KIAA0232: variants seen among roughly 807,000 people sequenced by gnomAD.
KIAA0232 encodes the protein uncharacterized protein KIAA0232.
Under a neutral mutation model 122.0 loss-of-function variants are expected in KIAA0232, and 27 were observed. The ratio of observed to expected loss-of-function variants is 0.22; its 90% CI spans 0.16 to 0.31. The LOEUF is 0.31. KIAA0232 is among the 10% of genes least tolerant of loss of function. The pLI is 1.00. For missense variants in KIAA0232, 1,551 were observed against 1,634.2 expected, an observed-to-expected ratio of 0.95 and a Z score of 0.88; for synonymous variants, 613 against 587.6, an observed-to-expected ratio of 1.04 and a Z score of -0.63.
At chr4:6,793,937 TA>T (rs2108887045) in intron 1 of KIAA0232, among the ~76,000 whole-genome samples, 1 of 152,316 alleles carries the variant, frequency 6.6e-6, no homozygotes, top group East Asian at 1.9e-4. Flanking sequence ...CCTTCCAACT[TA>T]AAAGTTCATG....
At position 6,874,670 on chromosome 4, in the gene KIAA0232, TC is replaced by T. The variant is rs750309380; in HGVS notation, c.3911-1989del. Among the ~76,000 whole-genome samples, 72 of 152,288 alleles carry T rather than the reference TC, an allele frequency of 4.7e-4. 1 individual carries two copies. Among genetic ancestry groups the T allele is most frequent in the Admixed American group, 1.2e-3 (19 of 15,300 alleles). ...GAGAACTGTATTGGAATCCAGAGCT[TC>T]TTTCCCCAGCTATTAGGCTTTGGGT... On this transcript the variant is annotated intron_variant, in intron 8 of 9. Coordinates refer to ENST00000307659, the MANE Select transcript of KIAA0232 (RefSeq NM_014743.3).
chr4:6,848,817 T>C (rs1388716647), intron 4 of KIAA0232, among the ~76,000 whole-genome samples: 1 of 152,212 alleles, frequency 6.6e-6, no homozygotes, highest in African/African-American at 2.4e-5. Flanking sequence ...CAGGAAGTGA[T>C]GCTGTGCTCT....
In KIAA0232 at chr4:6,783,929, G is replaced by A. The variant is rs933540803; in HGVS notation, c.-354+1088G>A. 6.6e-5 allele frequency among the ~76,000 whole-genome samples: 10 copies of A among 152,328 alleles called. No homozygotes were observed. The East Asian group carries it at 1.9e-3, about 29-fold the overall frequency. ...CGCTGGAGAAACCAGTGTGTGTCGTGTTGGAATGCTTCGTCTTGCCCTAGA... is the reference window on the plus strand; with the variant it reads ...CGCTGGAGAAACCAGTGTGTGTCGTATTGGAATGCTTCGTCTTGCCCTAGA... On this transcript the variant is annotated intron_variant, in intron 1 of 9. Transcript: ENST00000307659.
At chr4:6,838,389 A>T (rs553195924) in intron 3 of KIAA0232, among the ~76,000 whole-genome samples, 1 of 152,114 alleles carries the variant, frequency 6.6e-6, no homozygotes, top group East Asian at 1.9e-4. Context: ...GAGTTTCACA[A>T]TGTTGGCCAG....
At chr4:6,794,590 G>A (rs1286183405) in intron 1 of KIAA0232, among the ~76,000 whole-genome samples, 1 of 152,210 alleles carries the variant, frequency 6.6e-6, no homozygotes, top group African/African-American at 2.4e-5. Context: ...GGTGGACAGG[G>A]AAAGCCTCTG....
intron 3 of KIAA0232, among the ~76,000 whole-genome samples, chr4:6,837,436 G>C (rs529052002): frequency 6.6e-6 from 1 of 151,390 alleles, no homozygotes; most frequent in Non-Finnish European, 1.5e-5. Flanking sequence ...CAGGCTGGGC[G>C]GCCGGGCAGA....
intron 3 of KIAA0232, among the ~76,000 whole-genome samples, chr4:6,836,882 C>T (rs1719316621): frequency 6.6e-6 from 1 of 152,220 alleles, no homozygotes; most frequent in African/African-American, 2.4e-5. Context: ...TATAGATTAA[C>T]AGCATCCCAA....
rs1244693283 is a variant in KIAA0232 at position 6,864,087 on chromosome 4, A to G, written c.3705A>G (p.Gln1235=). The change falls in exon 7 of 10, where the codon CAA becomes CAG. Residue 1235 remains glutamine, a synonymous_variant. Transcript: ENST00000307659. Reference sequence around the variant, plus strand: ...AAGCAAATTGTAAAATAATGGCACAATGCGAGGAAGAAATTAATAATTTTT... The same window carrying G: ...AAGCAAATTGTAAAATAATGGCACAGTGCGAGGAAGAAATTAATAATTTTT... ...SSEANCKIMA[Q]CEEEINNFCG... The G allele has an allele frequency of 4.3e-6, 7 of 1,614,202 alleles. No individual in the cohort carries two copies. The highest frequency in any genetic ancestry group is 3.3e-5 in the Admixed American group (2 of 60,034).
chr4:6,825,436 C>A (rs556247654), intron 3 of KIAA0232, among the ~76,000 whole-genome samples: 10 of 152,006 alleles, frequency 6.6e-5, no homozygotes, highest in Non-Finnish European at 1.3e-4. Flanking sequence ...TGTAGTCAGT[C>A]CGTAGCTACT....
intron 1 of KIAA0232, among the ~76,000 whole-genome samples, chr4:6,797,121 C>T (rs1717165588): frequency 6.6e-6 from 1 of 152,136 alleles, no homozygotes; most frequent in South Asian, 2.1e-4. Flanking sequence ...TTTCATTTCC[C>T]AAAAAACACA....
At position 6,855,516 on chromosome 4, in the gene KIAA0232, CAA is replaced by C. The variant is rs1298639729; in HGVS notation, c.370-1641_370-1640del. Reference sequence around the variant, plus strand: ...TTATTTTGCTGTTTAAACATGAGAGCAAAAAAAATATATGTTTATATATGACA... The same window carrying C: ...TTATTTTGCTGTTTAAACATGAGAGCAAAAAATATATGTTTATATATGACA... On this transcript the variant is annotated intron_variant, in intron 4 of 9. Coordinates refer to ENST00000307659, the MANE Select transcript of KIAA0232 (RefSeq NM_014743.3). This position sits in a 1 kb window ranked among gnomAD's most constrained non-coding sequence, Gnocchi z 4.3. Among the ~76,000 whole-genome samples, 1 of 150,096 alleles carries C rather than the reference CAA, an allele frequency of 6.7e-6. No individual in the cohort carries two copies. The highest frequency in any genetic ancestry group is 1.5e-5 in the Non-Finnish European group (1 of 67,556).
chr4:6,786,116 T>C (rs1357359367), intron 1 of KIAA0232, among the ~76,000 whole-genome samples: 2 of 152,230 alleles, frequency 1.3e-5, no homozygotes, highest in African/African-American at 2.4e-5. Flanking sequence ...CTGGCTGTGG[T>C]GTCTATCCTA....
At chr4:6,845,905 C>T (rs181713715) in intron 4 of KIAA0232, among the ~76,000 whole-genome samples, 53 of 152,144 alleles carry the variant, frequency 3.5e-4, no homozygotes, top group African/African-American at 9.6e-4. Flanking sequence ...CCGAGTATGT[C>T]GTGTGATGTG....
intron 2 of KIAA0232, among the ~76,000 whole-genome samples, chr4:6,816,784 T>C (rs917958998): frequency 6.6e-6 from 1 of 152,222 alleles, no homozygotes; most frequent in Admixed American, 6.5e-5. Flanking sequence ...TTTATAGATA[T>C]AGGACTGTTC....
intron 1 of KIAA0232, among the ~76,000 whole-genome samples, chr4:6,787,110 G>A (rs1372244995): frequency 6.7e-6 from 1 of 149,520 alleles, no homozygotes; most frequent in East Asian, 1.9e-4. Context: ...GAACCCGGGA[G>A]GTGGAGGTTG....
At chr4:6,866,164 A>T in intron 7 of KIAA0232, 1 of 899,834 alleles carries the variant, frequency 1.1e-6, no homozygotes, top group Non-Finnish European at 1.3e-6. Context: ...ATATTCCTTT[A>T]TGTACTTTGT....
At chr4:6,798,171 A>G (rs1211194895) in intron 1 of KIAA0232, among the ~76,000 whole-genome samples, 2 of 152,196 alleles carry the variant, frequency 1.3e-5, no homozygotes, top group Non-Finnish European at 2.9e-5. Context: ...CACATACATG[A>G]TGGCCCTGGT....
Position 6,864,199 on chromosome 4 carries a change from T to C in KIAA0232, c.3801+16T>C, listed in dbSNP as rs767594871. On this transcript the variant is annotated intron_variant, in intron 7 of 9. Coordinates refer to ENST00000307659, the MANE Select transcript of KIAA0232 (RefSeq NM_014743.3). ...GCTGGAAGAGGTATGTGTCTGCGTG[T>C]TGGTATTTGACAAAAGGATTTGATC... The C allele has an allele frequency of 1.9e-6, 3 of 1,583,590 alleles. No individual in the cohort carries two copies. Among genetic ancestry groups the C allele is most frequent in the Non-Finnish European group, 2.6e-6 (3 of 1,165,544 alleles).
At chr4:6,821,766 A>G (rs1259250479) in intron 2 of KIAA0232, among the ~76,000 whole-genome samples, 1 of 151,886 alleles carries the variant, frequency 6.6e-6, no homozygotes, top group African/African-American at 2.4e-5. Context: ...ATTGATGGGC[A>G]TTTGGGCTGG....
Sources: allele counts gnomAD v4.1 joint callset (sites outside exome capture counted in the v4.1 genomes callset), GRCh38; gene constraint gnomAD v4.1.1; non-coding constraint Gnocchi (gnomAD v3.1); transcripts MANE v1.5; gene names NCBI Gene and HGNC (gene_info 2026-07-23, HGNC 2026-07-21).